CREB3L2: variants seen among roughly 807,000 people sequenced by gnomAD.
CREB3L2 encodes the protein cAMP responsive element binding protein 3 like 2, also known as cyclic AMP-responsive element-binding protein 3-like protein 2.
Under a neutral mutation model 57.2 loss-of-function variants are expected in CREB3L2, and 23 were observed. The observed-to-expected ratio is 0.40, with a 90% CI of 0.29 to 0.57. CREB3L2 has a LOEUF of 0.57. Ranked by LOEUF, CREB3L2 falls within the 20% of genes least tolerant of loss-of-function variation. The probability of loss-of-function intolerance (pLI) is 0.42; values close to 1 mark genes in which losing one functional copy is unlikely to be tolerated. For missense variants in CREB3L2, 628 were observed against 634.7 expected, an observed-to-expected ratio of 0.99 and a Z score of 0.11; for synonymous variants, 268 against 265.1, an observed-to-expected ratio of 1.01 and a Z score of -0.11.
rs1799249128 is a variant in CREB3L2, at chr7:137,879,819, T to C, written c.*657A>G. ...TGGGGAACCAGGTTGTGGGAGGTCC[T>C]AAAAGCGACAAGATGGGGCAGGTTT... On this transcript the variant is annotated 3_prime_UTR_variant, in exon 12 of 12. Coordinates refer to ENST00000330387, the MANE Select transcript of CREB3L2 (RefSeq NM_194071.4). 1 of 235,082 alleles carries C rather than the reference T, an allele frequency of 4.3e-6. No individual in the cohort carries two copies. Among genetic ancestry groups the C allele is most frequent in the Non-Finnish European group, 8.4e-6 (1 of 119,218 alleles). The allele number at this position is 235,082 out of a possible 1,614,324, so 14.6% of individuals were successfully genotyped here. A position where few individuals can be genotyped will look rare whatever the true frequency, so the allele number is the denominator to read the frequency against.
chr7:137,942,737 A>C (rs1020814845), intron 1 of CREB3L2, among the ~76,000 whole-genome samples: 3 of 152,202 alleles, frequency 2.0e-5, no homozygotes, highest in African/African-American at 7.2e-5. Flanking sequence ...AGTTATTCCC[A>C]AACAGTTTGA....
chr7:137,879,128 A>G lies in CREB3L2; in HGVS notation c.*1348T>C, dbSNP rs1197341144. 2.4e-5 allele frequency: 12 copies of G among 504,160 alleles called. No individual in the cohort carries two copies. The Admixed American group carries it at 3.1e-4, about 13-fold the overall frequency. The allele number at this position is 504,160 out of a possible 1,614,324, so 31.2% of individuals were successfully genotyped here. A position where few individuals can be genotyped will look rare whatever the true frequency, so the allele number is the denominator to read the frequency against. ...TTTCCACTTCTTATTTATATGAAAG[A>G]GGAAAGATTTTTTTAAACTACAAAA... On this transcript the variant is annotated 3_prime_UTR_variant, in exon 12 of 12. Transcript: ENST00000330387.
At position 137,880,167 on chromosome 7, in the gene CREB3L2, A is replaced by G. The variant is rs1799262572; in HGVS notation, c.*309T>C. 5 of 438,596 alleles carry G rather than the reference A, an allele frequency of 1.1e-5. No homozygotes were observed. In the East Asian group the frequency reaches 1.5e-4, roughly 13 times the overall value. The allele number at this position is 438,596 out of a possible 1,614,324, so 27.2% of individuals were successfully genotyped here. ...ACACCTCACAGGTGCACATTAGGCA[A>G]TATCTTTTTGGCACTATTGGTGGAA... On this transcript the variant is annotated 3_prime_UTR_variant, in exon 12 of 12. Transcript: ENST00000330387. The surrounding 1 kb of genome is among the most constrained non-coding windows in gnomAD (Gnocchi z 4.0).
intron 2 of CREB3L2, among the ~76,000 whole-genome samples, chr7:137,927,921 T>C (rs1414981069): frequency 6.6e-6 from 1 of 152,118 alleles, no homozygotes; most frequent in Non-Finnish European, 1.5e-5. Context: ...AAGAGAGTAA[T>C]GACCATCCTT....
intron 8 of CREB3L2, among the ~76,000 whole-genome samples, chr7:137,897,838 T>C (rs1176893666): frequency 2.0e-5 from 3 of 152,208 alleles, no homozygotes; most frequent in African/African-American, 4.8e-5. Flanking sequence ...TCTTTTTTTT[T>C]CCTAAATTAT....
chr7:137,877,192 A>C lies in CREB3L2; in HGVS notation c.*3284T>G, dbSNP rs1006791341. 4 of 228,696 alleles carry C rather than the reference A, an allele frequency of 1.7e-5. No individual in the cohort carries two copies. The highest frequency in any genetic ancestry group is 3.5e-5 in the Non-Finnish European group (4 of 115,232). 14.2% of individuals were successfully genotyped at this position (228,696 alleles called of 1,614,324 possible). A position where few individuals can be genotyped will look rare whatever the true frequency, so the allele number is the denominator to read the frequency against. ...AAGAGATTTAGGAAGAAAAAAAAAA[A>C]CATGGTAATTATAAGGGGTCTGTGA... On this transcript the variant is annotated 3_prime_UTR_variant, in exon 12 of 12. Coordinates refer to ENST00000330387, the MANE Select transcript of CREB3L2 (RefSeq NM_194071.4).
At chr7:137,941,207 A>C (rs1384108034) in intron 1 of CREB3L2, among the ~76,000 whole-genome samples, 1 of 152,226 alleles carries the variant, frequency 6.6e-6, no homozygotes. Flanking sequence ...TTCTCTCCAC[A>C]CCACTAGAAA....
chr7:137,996,745 T>C (rs1257812352), intron 1 of CREB3L2, among the ~76,000 whole-genome samples: 1 of 152,146 alleles, frequency 6.6e-6, no homozygotes, highest in East Asian at 1.9e-4. Context: ...CCTACCACTG[T>C]CTGGGACCAG....
intron 8 of CREB3L2, among the ~76,000 whole-genome samples, chr7:137,889,130 C>T (rs1226771617): frequency 6.6e-6 from 1 of 152,186 alleles, no homozygotes; most frequent in Non-Finnish European, 1.5e-5. Context: ...GTCCTCCCTT[C>T]CAATTTCTGG....
chr7:137,886,565 C>T (rs530695560), intron 8 of CREB3L2, among the ~76,000 whole-genome samples: 15 of 144,714 alleles, frequency 1.0e-4, no homozygotes, highest in Non-Finnish European at 1.9e-4. Context: ...GGTTCTTAAA[C>T]GCTCACAGCA....
At chr7:137,887,800 T>G in intron 8 of CREB3L2, among the ~76,000 whole-genome samples, 1 of 151,724 alleles carries the variant, frequency 6.6e-6, no homozygotes, top group Non-Finnish European at 1.5e-5. Context: ...GAATCATTCA[T>G]TCTGTTAGTT....
intron 1 of CREB3L2, among the ~76,000 whole-genome samples, chr7:137,965,027 A>G (rs1431848586): frequency 1.3e-5 from 2 of 152,166 alleles, no homozygotes; most frequent in Admixed American, 1.3e-4. Flanking sequence ...ACCCAGACTC[A>G]GGTATGTCTT....
At chr7:137,977,614 T>C (rs1348535459) in intron 1 of CREB3L2, among the ~76,000 whole-genome samples, 7 of 152,128 alleles carry the variant, frequency 4.6e-5, no homozygotes, top group Admixed American at 4.6e-4. Flanking sequence ...ACCACAAATC[T>C]TGTTTTGTTT....
chr7:137,992,278 T>C (rs577369827), intron 1 of CREB3L2, among the ~76,000 whole-genome samples: 1 of 152,198 alleles, frequency 6.6e-6, no homozygotes, highest in Admixed American at 6.5e-5. Flanking sequence ...ACAGAGGGTT[T>C]CCCAAGCCAA....
intron 1 of CREB3L2, among the ~76,000 whole-genome samples, chr7:137,939,353 C>CA (rs1342307335): frequency 1.3e-5 from 2 of 148,636 alleles, no homozygotes; most frequent in Non-Finnish European, 2.9e-5. Flanking sequence ...TGCTGCCTCT[C>CA]AATCACTAAC....
intron 1 of CREB3L2, among the ~76,000 whole-genome samples, chr7:137,940,919 T>A (rs1366291689): frequency 1.3e-5 from 2 of 152,216 alleles, no homozygotes; most frequent in Non-Finnish European, 2.9e-5. Context: ...GGCATGACTC[T>A]GCCAGGAGGT....
intron 8 of CREB3L2, among the ~76,000 whole-genome samples, chr7:137,900,035 A>T (rs1677499): frequency 2.0e-5 from 3 of 151,972 alleles, no homozygotes; most frequent in Non-Finnish European, 4.4e-5. Context: ...TCTAACACTC[A>T]GGGTGACAGG....
rs1799430566 is a variant in CREB3L2, at chr7:137,886,875, G to A, written c.1044-1373C>T. Among the ~76,000 whole-genome samples the A allele has an allele frequency of 2.0e-5, 3 of 152,032 alleles. No homozygotes were observed. The South Asian group carries it at 6.2e-4, about 31-fold the overall frequency. On this transcript the variant is annotated intron_variant, in intron 8 of 11. Coordinates refer to ENST00000330387, the MANE Select transcript of CREB3L2 (RefSeq NM_194071.4). ...GATGGTAAAATTCTTTGCAAATTCT[G>A]AACACTGCAAGGCATAGAAAAGGAT...
At chr7:137,999,806 T>A (rs1404357903) in intron 1 of CREB3L2, 1 of 152,182 alleles carries the variant, frequency 6.6e-6, no homozygotes, top group Non-Finnish European at 1.5e-5. Context: ...ACAACAGACA[T>A]GTACCTAAGT....
Sources: gnomAD v4.1 joint callset for allele counts (sites outside exome capture counted in the v4.1 genomes callset) on GRCh38, gnomAD v4.1.1 for gene constraint, Gnocchi (gnomAD v3.1) non-coding constraint, MANE v1.5 for transcripts, NCBI Gene and HGNC (gene_info 2026-07-23, HGNC 2026-07-21) for gene names.